The following ARB2A variants were observed in gnomAD, a reference collection of about 807,000 sequenced individuals.
ARB2A encodes the protein ARB2 cotranscriptional regulator A.
chr5:93,872,079 G>T, the ARB2A span, among the ~76,000 whole-genome samples: 89 of 151,686 alleles, frequency 5.9e-4, no homozygotes, highest in African/African-American at 2.0e-3. Flanking sequence ...CTCCAGAGTA[G>T]CCGGGACTAC....
At chr5:93,931,686 C>T in the ARB2A span, among the ~76,000 whole-genome samples, 1 of 151,676 alleles carries the variant, frequency 6.6e-6, no homozygotes, top group African/African-American at 2.4e-5. Flanking sequence ...ACTAAGTGTA[C>T]AGCTAAATAA....
the ARB2A span, among the ~76,000 whole-genome samples, chr5:93,688,511 G>GA: frequency 2.0e-5 from 3 of 152,098 alleles, no homozygotes; most frequent in African/African-American, 4.8e-5. Context: ...AACCTCTGTT[G>GA]ATTCCTCCTT....
the ARB2A span, among the ~76,000 whole-genome samples, chr5:93,831,957 A>T: frequency 6.6e-6 from 1 of 152,188 alleles, no homozygotes; most frequent in Non-Finnish European, 1.5e-5. Context: ...TATTCTAAAA[A>T]GTGAGACCCA....
chr5:93,621,212 G>T, the ARB2A span: 21 of 1,341,938 alleles, frequency 1.6e-5, no homozygotes, highest in Non-Finnish European at 1.9e-5. Context: ...GCCGAGCCCC[G>T]GCTCCCGACC....
At chr5:93,689,009 C>A in the ARB2A span, among the ~76,000 whole-genome samples, 3 of 152,174 alleles carry the variant, frequency 2.0e-5, no homozygotes, top group Admixed American at 1.3e-4. Context: ...ATATTATATT[C>A]CCTTTCTTAG....
the ARB2A span, among the ~76,000 whole-genome samples, chr5:93,659,546 A>C: frequency 6.6e-6 from 1 of 152,216 alleles, no homozygotes; most frequent in East Asian, 1.9e-4. Flanking sequence ...GACAGAAAAA[A>C]ATTTGAAAAA....
chr5:93,944,567 C>G, the ARB2A span, among the ~76,000 whole-genome samples: 241 of 150,434 alleles, frequency 1.6e-3, no homozygotes, highest in Non-Finnish European at 2.3e-3. Flanking sequence ...CTGGGTGACA[C>G]TCTGCCTCAT....
the ARB2A span, among the ~76,000 whole-genome samples, chr5:93,694,397 GACAA>G: frequency 2.4e-4 from 36 of 152,000 alleles, no homozygotes; most frequent in Admixed American, 4.6e-4. Context: ...ACCAATAATA[GACAA>G]ACAAAGAGCC....
At chr5:93,724,121 C>CT in the ARB2A span, among the ~76,000 whole-genome samples, 358 of 148,356 alleles carry the variant, frequency 2.4e-3, no homozygotes, top group African/African-American at 8.2e-3. Flanking sequence ...GACACTGACA[C>CT]TTTTTTTTTT....
At chr5:93,741,204 C>T in the ARB2A span, 1 of 1,613,730 alleles carries the variant, frequency 6.2e-7, no homozygotes, top group Non-Finnish European at 8.5e-7. Context: ...TCAGTATGCC[C>T]GAGATGTCCT....
chr5:93,922,126 T>C, the ARB2A span, among the ~76,000 whole-genome samples: 2 of 152,138 alleles, frequency 1.3e-5, 1 homozygote, highest in South Asian at 4.1e-4. Context: ...ATTACACCAA[T>C]GAAGATGCCA....
At chr5:93,866,371 T>C in the ARB2A span, 1 of 846,094 alleles carries the variant, frequency 1.2e-6, no homozygotes, top group Admixed American at 6.2e-5. Context: ...CAACTAACTT[T>C]TAGGTGCAAG....
chr5:93,639,804 T>C, the ARB2A span, among the ~76,000 whole-genome samples: 10,440 of 151,998 alleles, frequency 0.069, 520 homozygotes, highest in Middle Eastern at 0.14. Context: ...CCCAGCACTT[T>C]GGGAGGCCGA....
chr5:94,012,368 C>A, the ARB2A span, among the ~76,000 whole-genome samples: 13,494 of 152,308 alleles, frequency 0.089, 773 homozygotes, highest in Middle Eastern at 0.16. Context: ...CGCCACTGCA[C>A]TCCAGCCTGG....
At chr5:93,971,371 C>A in the ARB2A span, among the ~76,000 whole-genome samples, 1 of 151,970 alleles carries the variant, frequency 6.6e-6, no homozygotes, top group African/African-American at 2.4e-5. Context: ...CGTTCGAAAC[C>A]AGCCTGGCCA....
the ARB2A span, among the ~76,000 whole-genome samples, chr5:93,968,787 T>G: frequency 6.6e-6 from 1 of 151,898 alleles, no homozygotes; most frequent in Non-Finnish European, 1.5e-5. Flanking sequence ...AGTGAAAATC[T>G]TAAAAGAAGC....
the ARB2A span, among the ~76,000 whole-genome samples, chr5:94,052,339 T>G: frequency 3.3e-5 from 5 of 152,168 alleles, no homozygotes; most frequent in Middle Eastern, 3.2e-3. Context: ...AGTATAAAAA[T>G]TAATATCAGA....
At chr5:94,005,621 T>C in the ARB2A span, among the ~76,000 whole-genome samples, 2 of 152,186 alleles carry the variant, frequency 1.3e-5, no homozygotes, top group African/African-American at 4.8e-5. Flanking sequence ...ATCCACTGTA[T>C]TTGCAAACCA....
chr5:93,796,719 C>T, the ARB2A span, among the ~76,000 whole-genome samples: 2 of 152,160 alleles, frequency 1.3e-5, no homozygotes, highest in African/African-American at 2.4e-5. Context: ...TCCCAACCAA[C>T]AAATGTGGGA....
Sources: gnomAD v4.1 joint callset for allele counts (sites outside exome capture counted in the v4.1 genomes callset) on GRCh38, gnomAD v4.1.1 for gene constraint, MANE v1.5 for transcripts, NCBI Gene and HGNC (gene_info 2026-07-23, HGNC 2026-07-21) for gene names.